Variants in LOXL3 observed in about 807,000 individuals in gnomAD.
LOXL3 encodes the protein lysyl oxidase like 3.
A neutral mutation model predicts 91.8 loss-of-function variants in LOXL3; 60 were observed. The observed-to-expected ratio is 0.65, with a 90% confidence interval of 0.53 to 0.81. The LOEUF is 0.81. LOXL3 is among the 30% of genes least tolerant of loss of function. The pLI is 0.00. For synonymous variants in LOXL3, 355 were observed against 387.6 expected (o/e 0.92, Z 0.99); for missense variants, 874 against 1,000.4 (o/e 0.87, Z 1.70).
intron 3 of LOXL3, 97 bp downstream of exon 3, chr2:74,550,088 C>T (rs1573026769): frequency 1.3e-6 from 2 of 1,497,314 alleles, no homozygotes; most frequent in Middle Eastern, 1.9e-4. Context: ...CAAATGATCC[C>T]CCAGGGGTAA....
At chr2:74,554,457 T>G, upstream of LOXL3, 1 of 487,986 alleles carries the variant, frequency 2.0e-6, no homozygotes, top group Non-Finnish European at 3.7e-6. The surrounding 1 kb of genome is among the most constrained non-coding windows in gnomAD (Gnocchi z 4.9). Context: ...GCATATGACG[T>G]CACGCGCAGC....
At position 74,532,769 on chromosome 2, in the gene LOXL3, T is replaced by C. The variant is rs781106359; in HGVS notation, c.*837A>G. 4.3e-6 allele frequency: 7 copies of C among 1,613,460 alleles called. No homozygotes were observed. The Admixed American group carries it at 1.2e-4, about 27-fold the overall frequency. On this transcript the variant is annotated 3_prime_UTR_variant, in exon 14 of 14. Coordinates refer to ENST00000264094, the MANE Select transcript of LOXL3 (RefSeq NM_032603.5). Reference sequence around the variant, plus strand: ...GATGGGCAAGGTGTGCATGTGTCCTTGAACTAGGCTTTGTACTCCTTCCTT... The same window carrying C: ...GATGGGCAAGGTGTGCATGTGTCCTCGAACTAGGCTTTGTACTCCTTCCTT...
upstream of LOXL3, chr2:74,554,752 G>T (rs1232998825): frequency 1.2e-6 from 2 of 1,613,496 alleles, no homozygotes; most frequent in Non-Finnish European, 1.7e-6. The surrounding 1 kb of genome is among the most constrained non-coding windows in gnomAD (Gnocchi z 4.9). Context: ...ACCGCCGGGG[G>T]CCATGGACGG....
chr2:74,549,334 C>T lies in LOXL3; in HGVS notation c.692+35G>A. 1 of 1,531,882 alleles carries T rather than the reference C, an allele frequency of 6.5e-7. No individual in the cohort carries two copies. The highest frequency in any genetic ancestry group is 1.4e-5 in the African/African-American group (1 of 72,762). 94.9% of individuals were successfully genotyped at this position (1,531,882 alleles called of 1,614,324 possible). A position where few individuals can be genotyped will look rare whatever the true frequency, so the allele number is the denominator to read the frequency against. ...CTATTCATCAGGGAGCACCCCAATC[C>T]CGGCCTGCTCCGCCCGGCGCCCGCG... On this transcript the variant is annotated intron_variant, in intron 4 of 13. Transcript: ENST00000264094. The surrounding 1 kb of genome is among the most constrained non-coding windows in gnomAD (Gnocchi z 5.3).
upstream of LOXL3, chr2:74,555,196 C>T (rs928494513): frequency 1.9e-6 from 3 of 1,613,512 alleles, no homozygotes; most frequent in Non-Finnish European, 2.5e-6. This position sits in a 1 kb window ranked among gnomAD's most constrained non-coding sequence, Gnocchi z 6.1. Context: ...GGCCAGTCCC[C>T]ACGGCGTAGC....
In LOXL3 at chr2:74,533,234, G is replaced by C. The variant is rs775428682; in HGVS notation, c.*372C>G. ...GATCTTTTCCCCCACCAAAAGGCTA[G>C]AGGTAAAGCTGTATCCCCCTAAACT... On this transcript the variant is annotated 3_prime_UTR_variant, in exon 14 of 14. Transcript: ENST00000264094. 13 of 564,702 alleles carry C rather than the reference G, an allele frequency of 2.3e-5. No individual in the cohort carries two copies. The highest frequency in any genetic ancestry group is 3.5e-5 in the Non-Finnish European group (11 of 318,234). The allele number at this position is 564,702 out of a possible 1,614,324, so 35.0% of individuals were successfully genotyped here.
At position 74,533,673 on chromosome 2, in the gene LOXL3, G is replaced by T; in HGVS notation, c.2195C>A (p.Ala732Asp). The T allele has an allele frequency of 6.2e-7, 1 of 1,614,020 alleles. No homozygotes were observed. The highest frequency in any genetic ancestry group is 1.3e-5 in the African/African-American group (1 of 74,996). Reference sequence around the variant, plus strand: ...CCTCCTGTTGGCCTCTTCACTGAAGGCATCACCTGCAGAGTGGACAGGCAA... The same window carrying T: ...CCTCCTGTTGGCCTCTTCACTGAAGTCATCACCTGCAGAGTGGACAGGCAA... Reference protein sequence around the residue: ...IWVHNCHIGDAFSEEANRRFE... With the variant: ...IWVHNCHIGDDFSEEANRRFE... The change falls in exon 14 of 14, where the codon GCC becomes GAC. Residue 732 changes from alanine (A) to aspartate (D), a missense_variant. Physicochemically the swap from Ala to Asp is moderately radical, Grantham distance 126. Transcript: ENST00000264094.
upstream of LOXL3, chr2:74,554,669 G>A (rs542675607): frequency 9.9e-6 from 14 of 1,414,704 alleles, no homozygotes; most frequent in East Asian, 3.2e-4. The surrounding 1 kb of genome is among the most constrained non-coding windows in gnomAD (Gnocchi z 4.9). Context: ...GGGGAGGGGC[G>A]GAAACTCCTC....
At chr2:74,552,945 C>T (rs1558632785) in intron 1 of LOXL3, 3 of 328,100 alleles carry the variant, frequency 9.1e-6, no homozygotes, top group South Asian at 8.8e-5. Context: ...GCAAGAGACA[C>T]GTAGAGAGAG....
chr2:74,552,556 G>C lies in LOXL3; in HGVS notation c.79C>G (p.Pro27Ala), dbSNP rs146972503. Residue 27 changes from proline (P) to alanine (A), a missense_variant, in exon 2 of 14, where the codon CCG (proline) becomes GCG (alanine). Physicochemically the swap from Pro to Ala is conservative, Grantham distance 27 (BLOSUM62 -1). Transcript: ENST00000264094. ...TTCTCAGGGCCCGTGGAAGGGGACG[G>C]AGACCCCAAGCACGAACTGCACAGC... is the stretch of plus-strand genomic sequence containing the variant. ...CLLCSSCLGS[P>A]SPSTGPEKKA... 4,339 of 1,611,874 alleles carry C rather than the reference G, an allele frequency of 2.7e-3. 14 individuals carry two copies. Among genetic ancestry groups the C allele is most frequent in the Non-Finnish European group, 3.2e-3 (3,754 of 1,179,188 alleles).
intron 2 of LOXL3, among the ~76,000 whole-genome samples, chr2:74,551,815 C>T (rs984489440): frequency 2.0e-5 from 3 of 152,246 alleles, no homozygotes; most frequent in African/African-American, 7.2e-5. Flanking sequence ...TGCTCTTAAG[C>T]CTCCACCACC....
chr2:74,533,031 C>A lies in LOXL3; in HGVS notation c.*575G>T, dbSNP rs370663505. The A allele has an allele frequency of 5.6e-6, 9 of 1,596,464 alleles. No homozygotes were observed. In the African/African-American group the frequency reaches 1.1e-4, roughly 19 times the overall value. ...GGCTCCTGCTCTGATTTCCTCCTTGCCTTTCTGGCTGAGGTTCTGAGGGCA... is the reference window on the plus strand; with the variant it reads ...GGCTCCTGCTCTGATTTCCTCCTTGACTTTCTGGCTGAGGTTCTGAGGGCA... On this transcript the variant is annotated 3_prime_UTR_variant, in exon 14 of 14. Coordinates refer to ENST00000264094, the MANE Select transcript of LOXL3 (RefSeq NM_032603.5).
chr2:74,536,653 C>T lies in LOXL3; in HGVS notation c.912+56G>A. ...AGGGCTGTGCTTAGTCTGGGGTTGCCAGGCTAGGGGTTCTCCACCTGGGGT... is the reference window on the plus strand; with the variant it reads ...AGGGCTGTGCTTAGTCTGGGGTTGCTAGGCTAGGGGTTCTCCACCTGGGGT... On this transcript the variant is annotated intron_variant, in intron 5 of 13. Coordinates refer to ENST00000264094, the MANE Select transcript of LOXL3 (RefSeq NM_032603.5). The surrounding 1 kb of genome is among the most constrained non-coding windows in gnomAD (Gnocchi z 4.5). The T allele has an allele frequency of 6.3e-7, 1 of 1,580,124 alleles. No homozygotes were observed. The highest frequency in any genetic ancestry group is 1.3e-5 in the African/African-American group (1 of 74,458).
chr2:74,552,595 G>T lies in LOXL3; in HGVS notation c.40C>A (p.Leu14Met), dbSNP rs374069539. Residue 14 changes from leucine to methionine, a missense_variant, in exon 2 of 14, where the codon CTG (leucine) becomes ATG (methionine). Leu to Met is a conservative substitution (Grantham distance 15, BLOSUM62 2). Transcript: ENST00000264094. The stretch of plus-strand genomic sequence containing the variant: ...GAACTGCACAGCAGGCACAGCAGCA[G>T]CCCCCAGGGGCTCCACTGCCAGACA... ...VSVWQWSPWG[L>M]LLCLLCSSCL... 161 of 1,589,528 alleles carry T rather than the reference G, an allele frequency of 1.0e-4. No homozygotes were observed. Among genetic ancestry groups the T allele is most frequent in the Non-Finnish European group, 1.3e-4 (157 of 1,163,750 alleles).
At position 74,535,022 on chromosome 2, in the gene LOXL3, G is replaced by C. The variant is rs1007902751; in HGVS notation, c.1580-248C>G. 2.6e-5 allele frequency among the ~76,000 whole-genome samples: 4 copies of C among 152,196 alleles called. No homozygotes were observed. The highest frequency in any genetic ancestry group is 7.2e-5 in the African/African-American group (3 of 41,442). On this transcript the variant is annotated intron_variant, in intron 9 of 13. Transcript: ENST00000264094. This position sits in a 1 kb window ranked among gnomAD's most constrained non-coding sequence, Gnocchi z 4.2. ...GCCTCCCGAGTAGCTGGGATTATAG[G>C]CGCCTGCCACTGCGCCTGGCTAATT...
chr2:74,543,643 G>T (rs534918631), intron 4 of LOXL3, among the ~76,000 whole-genome samples: 1 of 152,140 alleles, frequency 6.6e-6, no homozygotes, highest in Admixed American at 6.5e-5. Context: ...ACTTTGGGAG[G>T]CCAGGACAGG....
At chr2:74,554,703 G>GCCCCGCCTCCCGCCTCCCC, upstream of LOXL3, 1 of 1,588,744 alleles carries the variant, frequency 6.3e-7, no homozygotes, top group Non-Finnish European at 8.6e-7. This position sits in a 1 kb window ranked among gnomAD's most constrained non-coding sequence, Gnocchi z 4.9. Flanking sequence ...CCCGCCTCCC[G>GCCCCGCCTCCCGCCTCCCC]CCCCGCCTCC....
chr2:74,537,281 A>G (rs1233481958), intron 4 of LOXL3, among the ~76,000 whole-genome samples: 1 of 152,246 alleles, frequency 6.6e-6, no homozygotes, highest in Non-Finnish European at 1.5e-5. Flanking sequence ...AGGGGAAACC[A>G]GGACTTTCCA....
intron 4 of LOXL3, 110 bp from the exon 5 acceptor site, chr2:74,537,038 C>T (rs1676072807): frequency 1.3e-6 from 1 of 779,632 alleles, no homozygotes; most frequent in Non-Finnish European, 2.1e-6. Flanking sequence ...CCTTTTGTGA[C>T]CATTTATCTC....
Sources: allele counts gnomAD v4.1 joint callset (sites outside exome capture counted in the v4.1 genomes callset), GRCh38; gene constraint gnomAD v4.1.1; non-coding constraint Gnocchi (gnomAD v3.1); transcripts MANE v1.5; gene names NCBI Gene and HGNC (gene_info 2026-07-23, HGNC 2026-07-21).